Variants in DLG1 observed in about 807,000 individuals in gnomAD.
The protein encoded by DLG1 is discs large MAGUK scaffold protein 1.
Under a neutral mutation model 123.4 loss-of-function variants are expected in DLG1, and 42 were observed. That is an observed-to-expected ratio of 0.34 (90% confidence interval 0.27 to 0.44). The LOEUF is 0.44. Ranked by LOEUF, DLG1 falls within the 20% of genes least tolerant of loss-of-function variation. The pLI, the probability that DLG1 is intolerant of heterozygous loss-of-function variation, is 1.00. For synonymous variants in DLG1, 317 were observed against 356.2 expected, an observed-to-expected ratio of 0.89 and a Z score of 1.24; for missense variants, 942 against 1,082.6, an observed-to-expected ratio of 0.87 and a Z score of 1.82.
intron 5 of DLG1, chr3:197,161,593 TA>T: frequency 8.6e-7 from 1 of 1,164,964 alleles, no homozygotes; most frequent in Non-Finnish European, 1.2e-6. Context: ...AATGAAACAT[TA>T]AAAGCAAATG....
At chr3:197,108,541 T>C (rs938085446) in intron 13 of DLG1, among the ~76,000 whole-genome samples, 1 of 152,204 alleles carries the variant, frequency 6.6e-6, no homozygotes, top group African/African-American at 2.4e-5. Context: ...TTTCTAGAAA[T>C]GTATTGGTAA....
chr3:197,297,463 C>T, intron 1 of DLG1: 8 of 1,353,536 alleles, frequency 5.9e-6, no homozygotes, highest in Non-Finnish European at 7.6e-6. Context: ...GGCTTCCAAA[C>T]TCTCCTCGAA....
intron 18 of DLG1, among the ~76,000 whole-genome samples, chr3:197,071,905 T>C (rs912469701): frequency 6.6e-6 from 1 of 152,208 alleles, no homozygotes; most frequent in South Asian, 2.1e-4. Flanking sequence ...TGTGTATCTA[T>C]ACGACCCAGC....
Position 197,187,701 on chromosome 3 carries a change from TG to T in DLG1, c.483+6723del, listed in dbSNP as rs1716901933. On this transcript the variant is annotated intron_variant, in intron 5 of 24. Transcript: ENST00000667157. ...TGCTTCATGTACATTTCAAACTTTT[TG>T]GGAAAAGGCTGAGGTTTTTATTTGT... is the stretch of plus-strand genomic sequence containing the variant. Among the ~76,000 whole-genome samples the T allele has an allele frequency of 3.3e-5, 5 of 152,166 alleles. No homozygotes were observed. In the South Asian group the frequency reaches 1.0e-3, roughly 32 times the overall value.
At chr3:197,059,115 C>T (rs1338462402) in intron 23 of DLG1, among the ~76,000 whole-genome samples, 2 of 152,084 alleles carry the variant, frequency 1.3e-5, no homozygotes, top group South Asian at 2.1e-4. Context: ...TTAGTAGAGA[C>T]GGGGTTTCAC....
At chr3:197,133,051 T>C (rs1041680282) in intron 10 of DLG1, among the ~76,000 whole-genome samples, 1 of 152,182 alleles carries the variant, frequency 6.6e-6, no homozygotes, top group African/African-American at 2.4e-5. Flanking sequence ...TAAATAGCTG[T>C]GGTATACTGT....
intron 4 of DLG1, among the ~76,000 whole-genome samples, chr3:197,269,924 TAATAC>T (rs1233616591): frequency 2.0e-5 from 3 of 152,216 alleles, no homozygotes; most frequent in Admixed American, 1.3e-4. Flanking sequence ...TGTAAACTAT[TAATAC>T]AATATTTTGC....
chr3:197,085,686 C>A lies in DLG1; in HGVS notation c.1732G>T (p.Asp578Tyr). ...PSQGLNFKFG[D>Y]ILHVINASDD... ...GAAGCATTAATAACATGGAGGATAT[C>A]TCCAAATTTGAAGTTCAGTCCCTGA... The change falls in exon 16 of 25, where the codon GAT (aspartate) becomes TAT (tyrosine). Residue 578 changes from aspartate to tyrosine, a missense_variant. By Grantham distance (160) the Asp-to-Tyr change is radical (BLOSUM62 -3). Transcript: ENST00000667157. 1 of 1,613,806 alleles carries A rather than the reference C, an allele frequency of 6.2e-7. No individual in the cohort carries two copies. Among genetic ancestry groups the A allele is most frequent in the South Asian group, 1.1e-5 (1 of 91,052 alleles).
At chr3:197,276,046 T>C (rs1379367112) in intron 4 of DLG1, among the ~76,000 whole-genome samples, 8 of 152,214 alleles carry the variant, frequency 5.3e-5, no homozygotes, top group Non-Finnish European at 1.2e-4. Flanking sequence ...AAGCAGACTA[T>C]GTGTATATTC....
At chr3:197,266,638 A>T (rs1579014302) in intron 4 of DLG1, among the ~76,000 whole-genome samples, 1 of 152,062 alleles carries the variant, frequency 6.6e-6, no homozygotes, top group East Asian at 1.9e-4. Context: ...GGAGAGGAGA[A>T]GAGAAGAGAA....
rs898194954 is a variant in DLG1 at position 197,223,155 on chromosome 3, T to G, written c.319-28566A>C. 3.3e-5 allele frequency among the ~76,000 whole-genome samples: 5 copies of G among 152,354 alleles called. No homozygotes were observed. In the East Asian group the frequency reaches 9.6e-4, roughly 29 times the overall value. ...ATAGTCTCTACATTAAGAACTTGAA[T>G]GTCCTCTGCATTCTCCTCACATTCC... On this transcript the variant is annotated intron_variant, in intron 4 of 24. Coordinates refer to ENST00000667157, the MANE Select transcript of DLG1 (RefSeq NM_001366207.1).
intron 4 of DLG1, among the ~76,000 whole-genome samples, chr3:197,198,604 T>C (rs1157522001): frequency 6.6e-6 from 1 of 152,102 alleles, no homozygotes; most frequent in Non-Finnish European, 1.5e-5. Flanking sequence ...ATGAGTCAAT[T>C]TAAAAATGGG....
chr3:197,111,497 T>G (rs1386221746), intron 13 of DLG1, among the ~76,000 whole-genome samples: 1 of 152,258 alleles, frequency 6.6e-6, no homozygotes, highest in Non-Finnish European at 1.5e-5. Context: ...ATTAATCTTT[T>G]AAGTCCATTC....
chr3:197,225,659 T>G (rs1561549629), intron 4 of DLG1, among the ~76,000 whole-genome samples: 1 of 152,206 alleles, frequency 6.6e-6, no homozygotes, highest in Non-Finnish European at 1.5e-5. Flanking sequence ...CATGCAGCTT[T>G]CATAAAAATC....
At chr3:197,223,330 G>A (rs534654647) in intron 4 of DLG1, among the ~76,000 whole-genome samples, 1 of 151,874 alleles carries the variant, frequency 6.6e-6, no homozygotes, top group African/African-American at 2.4e-5. Context: ...ACACACATGG[G>A]GACTTCCAAG....
chr3:197,215,658 A>G (rs908443998), intron 4 of DLG1, among the ~76,000 whole-genome samples: 1 of 152,172 alleles, frequency 6.6e-6, no homozygotes, highest in African/African-American at 2.4e-5. Context: ...TGCTGAACCA[A>G]AAAGCCACAA....
intron 18 of DLG1, among the ~76,000 whole-genome samples, chr3:197,071,989 A>C (rs903570896): frequency 6.6e-6 from 1 of 152,238 alleles, no homozygotes; most frequent in African/African-American, 2.4e-5. Flanking sequence ...AAGAATGTTC[A>C]AAGCAACACT....
intron 14 of DLG1, among the ~76,000 whole-genome samples, chr3:197,102,831 C>T (rs929198573): frequency 6.6e-6 from 1 of 152,210 alleles, no homozygotes; most frequent in African/African-American, 2.4e-5. Flanking sequence ...GCACTCCAGC[C>T]TGGGCAAGAG....
chr3:197,261,678 T>C (rs191072419), intron 4 of DLG1, among the ~76,000 whole-genome samples: 1 of 152,314 alleles, frequency 6.6e-6, no homozygotes, highest in East Asian at 1.9e-4. Context: ...CATTTCACTG[T>C]TAAGCGTTAT....
Sources: gnomAD v4.1 joint callset for allele counts (sites outside exome capture counted in the v4.1 genomes callset) on GRCh38, gnomAD v4.1.1 for gene constraint, MANE v1.5 for transcripts, NCBI Gene and HGNC (gene_info 2026-07-23, HGNC 2026-07-21) for gene names.